ATAD2B: variants seen among roughly 807,000 people sequenced by gnomAD.
ATAD2B encodes ATPase family AAA domain containing 2B.
A neutral mutation model predicts 167.6 loss-of-function variants in ATAD2B; 40 were observed. The observed-to-expected ratio is 0.24, with a 90% CI of 0.19 to 0.31. The LOEUF (loss-of-function observed/expected upper bound fraction) is 0.31, where lower values mean the gene tolerates loss of function less well. ATAD2B is among the 10% of genes least tolerant of loss of function. The probability of loss-of-function intolerance (pLI) is 1.00; values close to 1 mark genes in which losing one functional copy is unlikely to be tolerated. For synonymous variants in ATAD2B, 579 were observed against 596.5 expected (o/e 0.97, Z 0.43); for missense variants, 1,242 against 1,757.2 (o/e 0.71, Z 5.24).
intron 2 of ATAD2B, among the ~76,000 whole-genome samples, chr2:23,893,484 C>T (rs948328047): frequency 1.3e-5 from 2 of 151,736 alleles, no homozygotes. Context: ...ATTTTTTGTA[C>T]TTATATTATC....
At chr2:23,733,795 C>T in the ATAD2B span, among the ~76,000 whole-genome samples, 3 of 152,162 alleles carry the variant, frequency 2.0e-5, no homozygotes, top group African/African-American at 7.2e-5. Context: ...TTCTCACCAT[C>T]CCTACTATAC....
chr2:23,914,828 G>A (rs573957616), intron 1 of ATAD2B, among the ~76,000 whole-genome samples: 47 of 148,100 alleles, frequency 3.2e-4, no homozygotes, highest in African/African-American at 1.1e-3. Flanking sequence ...GGGCAACAGC[G>A]AGACTCCGTC....
At chr2:23,868,946 C>T (rs914313602) in intron 9 of ATAD2B, among the ~76,000 whole-genome samples, 6 of 152,078 alleles carry the variant, frequency 3.9e-5, no homozygotes, top group African/African-American at 1.2e-4. Flanking sequence ...CAGAATAGTT[C>T]GGATTAAATA....
intron 17 of ATAD2B, among the ~76,000 whole-genome samples, chr2:23,818,812 T>G (rs186985263): frequency 1.7e-4 from 26 of 152,338 alleles, no homozygotes; most frequent in African/African-American, 6.0e-4. Flanking sequence ...GAAAACTATT[T>G]GGCCTCTTAA....
chr2:23,734,420 A>G, the ATAD2B span, among the ~76,000 whole-genome samples: 2 of 152,130 alleles, frequency 1.3e-5, no homozygotes, highest in African/African-American at 4.8e-5. Context: ...TTGGCCTCCC[A>G]AAGTGCTGGG....
At chr2:23,889,832 T>C (rs111980003) in intron 2 of ATAD2B, among the ~76,000 whole-genome samples, 3,452 of 150,564 alleles carry the variant, frequency 0.023, 129 homozygotes, top group African/African-American at 0.079. Context: ...GGCAGGAGAA[T>C]TGCTTGAACC....
intron 20 of ATAD2B, among the ~76,000 whole-genome samples, chr2:23,786,626 G>A (rs969749262): frequency 6.6e-6 from 1 of 152,052 alleles, no homozygotes; most frequent in Admixed American, 6.6e-5. Flanking sequence ...GCAGTCCATC[G>A]TTGACCAAAA....
chr2:23,873,042 A>T, intron 8 of ATAD2B: 1 of 600,706 alleles, frequency 1.7e-6, no homozygotes, highest in Non-Finnish European at 3.0e-6. Context: ...GCCCTACATC[A>T]ATTTTTGATA....
intron 13 of ATAD2B, among the ~76,000 whole-genome samples, chr2:23,845,708 T>C (rs1256259941): frequency 6.7e-6 from 1 of 150,130 alleles, no homozygotes; most frequent in Non-Finnish European, 1.5e-5. Flanking sequence ...ACCTCCCGAG[T>C]AGCTGAGACC....
At chr2:23,900,118 G>A (rs1276578751) in intron 1 of ATAD2B, among the ~76,000 whole-genome samples, 1 of 149,688 alleles carries the variant, frequency 6.7e-6, no homozygotes. Context: ...GCGTTTCACT[G>A]TGTTGGCCAG....
At chr2:23,735,564 C>T in the ATAD2B span, among the ~76,000 whole-genome samples, 1 of 152,214 alleles carries the variant, frequency 6.6e-6, no homozygotes, top group Admixed American at 6.5e-5. Context: ...TGAAGCTCAT[C>T]AGGGAGGAGA....
At chr2:23,679,419 G>T in the ATAD2B span, among the ~76,000 whole-genome samples, 1 of 152,218 alleles carries the variant, frequency 6.6e-6, no homozygotes, top group Non-Finnish European at 1.5e-5. Flanking sequence ...GGTGGTGCCA[G>T]GGGTCCCTGG....
chr2:23,791,983 C>T (rs1301207372), intron 19 of ATAD2B, among the ~76,000 whole-genome samples: 1 of 152,042 alleles, frequency 6.6e-6, no homozygotes, highest in African/African-American at 2.4e-5. Context: ...ATTTTACATT[C>T]CCACCAGCAA....
At chr2:23,906,688 C>T (rs931021610) in intron 1 of ATAD2B, among the ~76,000 whole-genome samples, 8 of 151,966 alleles carry the variant, frequency 5.3e-5, no homozygotes, top group African/African-American at 1.7e-4. Flanking sequence ...AGACCAATAT[C>T]CTTGATGAAC....
At chr2:23,783,915 T>A (rs1680419757) in intron 21 of ATAD2B, among the ~76,000 whole-genome samples, 1 of 152,142 alleles carries the variant, frequency 6.6e-6, no homozygotes, top group Non-Finnish European at 1.5e-5. Flanking sequence ...CCATTATTTT[T>A]AAATTTACAC....
intron 1 of ATAD2B, among the ~76,000 whole-genome samples, chr2:23,915,223 G>A (rs1358328548): frequency 2.6e-5 from 4 of 152,034 alleles, no homozygotes; most frequent in Admixed American, 6.6e-5. Flanking sequence ...TATCACTTAT[G>A]AAAACTTAAA....
At chr2:23,893,652 TAA>T (rs1214283502) in intron 2 of ATAD2B, among the ~76,000 whole-genome samples, 2 of 78,180 alleles carry the variant, frequency 2.6e-5, no homozygotes, top group Non-Finnish European at 2.7e-5. Context: ...ATGAATAAAC[TAA>T]AAAAAAAAAA....
chr2:23,814,133 A>G (rs1260104434), intron 17 of ATAD2B, among the ~76,000 whole-genome samples: 2 of 152,156 alleles, frequency 1.3e-5, no homozygotes, highest in Non-Finnish European at 2.9e-5. Flanking sequence ...AATAAAAAGA[A>G]TTTGTCATAA....
At chr2:23,898,555 C>T (rs1558760245) in intron 1 of ATAD2B, among the ~76,000 whole-genome samples, 1 of 152,202 alleles carries the variant, frequency 6.6e-6, no homozygotes, top group Non-Finnish European at 1.5e-5. Context: ...TATAACTCAA[C>T]CACCTTGGGC....
Sources: allele counts gnomAD v4.1 joint callset (sites outside exome capture counted in the v4.1 genomes callset), GRCh38; gene constraint gnomAD v4.1.1; transcripts MANE v1.5; gene names NCBI Gene and HGNC (gene_info 2026-07-23, HGNC 2026-07-21).